The following NFKB1 variants were observed in gnomAD, a reference collection of about 807,000 sequenced individuals.
The protein encoded by NFKB1 is nuclear factor NF-kappa-B p105 subunit.
NFKB1 carries 9 observed loss-of-function variants against 105.1 expected under a neutral mutation model. The observed-to-expected ratio is 0.09, with a 90% CI of 0.05 to 0.15. The LOEUF is 0.15. NFKB1 is among the 10% of genes least tolerant of loss of function. The pLI is 1.00. For synonymous variants in NFKB1, 440 were observed against 442.2 expected, an observed-to-expected ratio of 1.00 and a Z score of 0.06; for missense variants, 830 against 1,203.7, an observed-to-expected ratio of 0.69 and a Z score of 4.59.
intron 5 of NFKB1, among the ~76,000 whole-genome samples, chr4:102,558,517 C>T (rs1256473367): frequency 6.6e-6 from 1 of 152,132 alleles, no homozygotes; most frequent in Admixed American, 6.6e-5. Flanking sequence ...TAGTAATTGC[C>T]TTCCATAAAT....
At chr4:102,597,412 A>T in intron 14 of NFKB1, 108 bp from the exon 15 acceptor site, 1 of 1,143,548 alleles carries the variant, frequency 8.7e-7, no homozygotes, top group Non-Finnish European at 1.2e-6. Context: ...CTAAAATGAT[A>T]TGTCAAGGTG....
At chr4:102,506,812 A>G (rs577054579) in intron 1 of NFKB1, among the ~76,000 whole-genome samples, 2 of 152,018 alleles carry the variant, frequency 1.3e-5, no homozygotes, top group Admixed American at 6.6e-5. Context: ...TCTGACCCTG[A>G]TCTCCCCTCA....
Position 102,607,226 on chromosome 4 carries a change from C to T in NFKB1, c.2031C>T (p.Asp677=), listed in dbSNP as rs907313858. ...CLLLLVAAGA[D]VNAQEQKSGR... is the part of the protein sequence containing the mutation. ...TGCTGCTGGTGGCCGCTGGGGCTGA[C>T]GTCAATGCTCAGGAGCAGAAGTCCG... The change falls in exon 18 of 24, where the codon GAC becomes GAT. Residue 677 remains aspartate (D), a synonymous_variant. Coordinates refer to ENST00000226574, the MANE Select transcript of NFKB1 (RefSeq NM_003998.4). 7.4e-6 allele frequency: 12 copies of T among 1,614,044 alleles called. No homozygotes were observed. The highest frequency in any genetic ancestry group is 3.3e-5 in the South Asian group (3 of 91,090).
intron 5 of NFKB1, among the ~76,000 whole-genome samples, chr4:102,542,084 T>A (rs994201995): frequency 3.3e-5 from 5 of 152,198 alleles, no homozygotes; most frequent in Non-Finnish European, 5.9e-5. Flanking sequence ...TATGGGTTAC[T>A]CTCTTACTGA....
At chr4:102,515,359 C>G (rs1052327847) in intron 1 of NFKB1, among the ~76,000 whole-genome samples, 11 of 151,832 alleles carry the variant, frequency 7.2e-5, no homozygotes. Flanking sequence ...ATCCGCCCGC[C>G]TCGGCCTCCC....
At chr4:102,604,131 T>A (rs966034670) in intron 16 of NFKB1, among the ~76,000 whole-genome samples, 1 of 152,214 alleles carries the variant, frequency 6.6e-6, no homozygotes, top group African/African-American at 2.4e-5. Context: ...TGCCCAGGTC[T>A]GCTAGCACAA....
At chr4:102,545,116 A>G (rs992493418) in intron 5 of NFKB1, among the ~76,000 whole-genome samples, 4 of 152,188 alleles carry the variant, frequency 2.6e-5, no homozygotes, top group Non-Finnish European at 5.9e-5. Flanking sequence ...GTGAACACAC[A>G]GAAGCACTAA....
chr4:102,529,813 C>T (rs1213152105), intron 2 of NFKB1, 23 bp from the exon 3 acceptor site: 4 of 1,508,138 alleles, frequency 2.7e-6, no homozygotes, highest in African/African-American at 2.8e-5. Flanking sequence ...ATGATTGAAA[C>T]ATTTAAATGT....
chr4:102,508,191 G>C (rs1739550930), intron 1 of NFKB1, among the ~76,000 whole-genome samples: 1 of 152,134 alleles, frequency 6.6e-6, no homozygotes, highest in South Asian at 2.1e-4. Context: ...GTTAAGACTT[G>C]ATCTATAACC....
intron 1 of NFKB1, chr4:102,510,875 C>T (rs575052438): frequency 8.1e-7 from 1 of 1,231,128 alleles, no homozygotes; most frequent in African/African-American, 1.6e-5. Context: ...TCTGTTCCTT[C>T]CTAGAAGGAA....
chr4:102,578,929 A>T lies in NFKB1; in HGVS notation c.620A>T (p.Glu207Val). The T allele has an allele frequency of 6.2e-7, 1 of 1,614,156 alleles. No homozygotes were observed. The highest frequency in any genetic ancestry group is 8.5e-7 in the Non-Finnish European group (1 of 1,180,008). ...IRQAALQQTK[E>V]MDLSVVRLMF... ...CAAGCAGCTCTGCAGCAGACCAAGG[A>T]GATGGACCTCAGCGTGGTGCGGCTC... Residue 207 changes from glutamate (E) to valine (V), a missense_variant, in exon 8 of 24, where the codon GAG (glutamate) becomes GTG (valine). Physicochemically the swap from Glu to Val is moderately radical, Grantham distance 121. This residue lies in a region of NFKB1 where 80 missense variants were observed against 122.6 expected (regional missense o/e 0.65). Coordinates refer to ENST00000226574, the MANE Select transcript of NFKB1 (RefSeq NM_003998.4).
At chr4:102,596,439 A>C (rs1047760304) in intron 14 of NFKB1, 107 bp downstream of exon 14, 2 of 877,448 alleles carry the variant, frequency 2.3e-6, no homozygotes, top group Non-Finnish European at 3.2e-6. Flanking sequence ...TATCTAGTTT[A>C]GTGTACTCTT....
chr4:102,556,294 A>T lies in NFKB1; in HGVS notation c.259-10693A>T, dbSNP rs182300725. ...ACAGCTGGAAATTTTGCACATGCTT[A>T]AAAAGAAGATGAGAACATGAGATTT... On this transcript the variant is annotated intron_variant, in intron 5 of 23. Coordinates refer to ENST00000226574, the MANE Select transcript of NFKB1 (RefSeq NM_003998.4). Among the ~76,000 whole-genome samples the T allele has an allele frequency of 3.7e-4, 56 of 152,300 alleles. 1 individual carries two copies. The highest frequency in any genetic ancestry group is 2.4e-3 in the Admixed American group (36 of 15,284).
At chr4:102,565,227 C>T (rs1251283925) in intron 5 of NFKB1, among the ~76,000 whole-genome samples, 1 of 151,902 alleles carries the variant, frequency 6.6e-6, no homozygotes, top group African/African-American at 2.4e-5. Flanking sequence ...CAACCCTCTT[C>T]GTGATTGGCT....
intron 23 of NFKB1, among the ~76,000 whole-genome samples, chr4:102,614,535 T>TA (rs1489726200): frequency 6.6e-6 from 1 of 152,200 alleles, no homozygotes; most frequent in Admixed American, 6.5e-5. Context: ...AAGAATTTTT[T>TA]AGAGTTATTC....
intron 9 of NFKB1, among the ~76,000 whole-genome samples, chr4:102,580,906 T>TATCTTTATACATTA (rs1725267509): frequency 6.6e-6 from 1 of 152,258 alleles, no homozygotes; most frequent in Non-Finnish European, 1.5e-5. Flanking sequence ...TGACTTTCAG[T>TATCTTTATACATTA]ATCTTTATAC....
intron 5 of NFKB1, among the ~76,000 whole-genome samples, chr4:102,541,430 A>G (rs1389017261): frequency 6.6e-6 from 1 of 152,232 alleles, no homozygotes; most frequent in African/African-American, 2.4e-5. Context: ...TTCTGTTAGA[A>G]TATCAGAGTT....
rs762067012 is a variant in NFKB1, at chr4:102,610,715, T to G, written c.2352+16T>G. On this transcript the variant is annotated intron_variant, in intron 20 of 23. Transcript: ENST00000226574. ...CAGCTGGCAGGTGAGTGCCGCTCCA[T>G]CTGTCTGATGGCTGCCCCTGAGGGA... 2 of 1,612,738 alleles carry G rather than the reference T, an allele frequency of 1.2e-6. No homozygotes were observed. Among genetic ancestry groups the G allele is most frequent in the Non-Finnish European group, 1.7e-6 (2 of 1,179,100 alleles).
chr4:102,603,822 C>G (rs1301410843), intron 16 of NFKB1, among the ~76,000 whole-genome samples: 1 of 152,192 alleles, frequency 6.6e-6, no homozygotes, highest in African/African-American at 2.4e-5. Context: ...TCAAATTCCT[C>G]TCCCCACCCA....
Sources: gnomAD v4.1 joint callset for allele counts (sites outside exome capture counted in the v4.1 genomes callset) on GRCh38, gnomAD v4.1.1 for gene constraint, gnomAD v4.1.1 regional missense constraint, MANE v1.5 for transcripts, NCBI Gene and HGNC (gene_info 2026-07-23, HGNC 2026-07-21) for gene names.